PRKCA: variants seen among roughly 807,000 people sequenced by gnomAD.
The protein encoded by PRKCA is protein kinase C alpha, also known as protein kinase C alpha type.
In PRKCA, 27 loss-of-function variants were observed where a neutral mutation model predicts 87.0. The ratio of observed to expected loss-of-function variants is 0.31; its 90% CI spans 0.23 to 0.43. The LOEUF (loss-of-function observed/expected upper bound fraction) is 0.43, where lower values mean the gene tolerates loss of function less well. Among genes scored for constraint, PRKCA ranks in the 20% least tolerant of loss-of-function variants. The pLI, the probability that PRKCA is intolerant of heterozygous loss-of-function variation, is 1.00. For synonymous variants in PRKCA, 329 were observed against 311.1 expected, an observed-to-expected ratio of 1.06 and a Z score of -0.61; for missense variants, 518 against 852.3, an observed-to-expected ratio of 0.61 and a Z score of 4.88.
intron 3 of PRKCA, among the ~76,000 whole-genome samples, chr17:66,591,979 G>T (rs1969820915): frequency 6.6e-6 from 1 of 151,996 alleles, no homozygotes; most frequent in Non-Finnish European, 1.5e-5. Flanking sequence ...TAGCTTTGGG[G>T]GTTTCTTGGC....
At chr17:66,489,352 C>CATGT (rs1555610346) in intron 2 of PRKCA, among the ~76,000 whole-genome samples, 4 of 98,918 alleles carry the variant, frequency 4.0e-5, no homozygotes, top group Non-Finnish European at 6.1e-5. Context: ...CTTAGCAGTG[C>CATGT]ATATATATAT....
chr17:66,764,864 C>G (rs1402982423), intron 13 of PRKCA, among the ~76,000 whole-genome samples: 8 of 152,230 alleles, frequency 5.3e-5, no homozygotes, highest in Non-Finnish European at 1.2e-4. Flanking sequence ...GAGACACCTG[C>G]TCCTATCCCC....
rs202134270 is a variant in PRKCA, at chr17:66,713,032, G to A, written c.919-19656G>A. 1.4e-4 allele frequency among the ~76,000 whole-genome samples: 20 copies of A among 147,736 alleles called. No individual in the cohort carries two copies. The East Asian group carries it at 4.0e-3, about 30-fold the overall frequency. The stretch of plus-strand genomic sequence containing the variant: ...TCCAAGAAGCCATTGCCAAGTTAAA[G>A]TGAACCCTTTGTTGTCCTTTTTTTT... On this transcript the variant is annotated intron_variant, in intron 8 of 16. Coordinates refer to ENST00000413366, the MANE Select transcript of PRKCA (RefSeq NM_002737.3).
chr17:66,485,593 A>G (rs1915960548), intron 2 of PRKCA, among the ~76,000 whole-genome samples: 2 of 152,050 alleles, frequency 1.3e-5, no homozygotes, highest in Non-Finnish European at 2.9e-5. Context: ...CATTTGGGAG[A>G]AGATTGGGGT....
chr17:66,623,750 A>G (rs1325680138), intron 3 of PRKCA, among the ~76,000 whole-genome samples: 1 of 152,164 alleles, frequency 6.6e-6, no homozygotes, highest in African/African-American at 2.4e-5. Flanking sequence ...AAAGCTCTGG[A>G]GGGCCCCTTT....
intron 3 of PRKCA, among the ~76,000 whole-genome samples, chr17:66,539,814 T>C (rs1967918928): frequency 6.6e-6 from 1 of 152,206 alleles, no homozygotes; most frequent in South Asian, 2.1e-4. Context: ...GGGATGAGTT[T>C]CCTTGTTCTG....
intron 8 of PRKCA, among the ~76,000 whole-genome samples, chr17:66,718,070 C>G (rs1251174177): frequency 1.3e-5 from 2 of 152,224 alleles, no homozygotes; most frequent in Admixed American, 1.3e-4. Context: ...CACTGTTAAG[C>G]TCTCCATACA....
intron 14 of PRKCA, chr17:66,774,634 G>C: frequency 1.0e-6 from 1 of 987,484 alleles, no homozygotes; most frequent in Non-Finnish European, 1.2e-6. Context: ...AGAAAAAAAT[G>C]TGCACGTTGA....
chr17:66,361,958 A>G (rs964473207), intron 2 of PRKCA, among the ~76,000 whole-genome samples: 1 of 152,178 alleles, frequency 6.6e-6, no homozygotes. Context: ...AGGCCATGGT[A>G]TCATCTAGTG....
At chr17:66,515,717 A>G (rs1230590946) in intron 3 of PRKCA, among the ~76,000 whole-genome samples, 1 of 151,794 alleles carries the variant, frequency 6.6e-6, no homozygotes, top group African/African-American at 2.4e-5. Flanking sequence ...CTAATTTTTT[A>G]TATTTTTAGT....
At position 66,502,646 on chromosome 17, in the gene PRKCA, C is replaced by T. The variant is rs895602211; in HGVS notation, c.288+6363C>T. On this transcript the variant is annotated intron_variant, in intron 3 of 16. Coordinates refer to ENST00000413366, the MANE Select transcript of PRKCA (RefSeq NM_002737.3). ...CTCTTAGGGCCACAATGTACAACTC[C>T]CCCTGCCCTGCAGCTTTCTTTTTTT... Among the ~76,000 whole-genome samples the T allele has an allele frequency of 5.3e-5, 8 of 151,546 alleles. 1 individual carries two copies. Among genetic ancestry groups the T allele is most frequent in the Middle Eastern group, 3.2e-3 (1 of 314 alleles).
At chr17:66,664,653 T>TG (rs1971998516) in intron 5 of PRKCA, among the ~76,000 whole-genome samples, 7 of 138,402 alleles carry the variant, frequency 5.1e-5, no homozygotes, top group African/African-American at 1.1e-4. Flanking sequence ...TTTGGTTTTT[T>TG]TTTTTTTTTT....
chr17:66,556,323 CTTT>C (rs61549626), intron 3 of PRKCA, among the ~76,000 whole-genome samples: 5 of 128,968 alleles, frequency 3.9e-5, no homozygotes, highest in East Asian at 2.3e-4. Flanking sequence ...CTTTCTTCTT[CTTT>C]TTTTTTTTTT....
At chr17:66,604,378 G>C (rs932182178) in intron 3 of PRKCA, among the ~76,000 whole-genome samples, 3 of 152,224 alleles carry the variant, frequency 2.0e-5, no homozygotes, top group Non-Finnish European at 2.9e-5. Flanking sequence ...ATTTCCGAAG[G>C]CCATGCACAG....
rs1373393763 is a variant in PRKCA, at chr17:66,687,108, C to T, written c.530-3C>T. 2 of 1,607,130 alleles carry T rather than the reference C, an allele frequency of 1.2e-6. No individual in the cohort carries two copies. Among genetic ancestry groups the T allele is most frequent in the South Asian group, 1.1e-5 (1 of 90,804 alleles). On this transcript the variant is annotated splice_region_variant and splice_polypyrimidine_tract_variant and intron_variant, in intron 5 of 16. Transcript: ENST00000413366. ...TAATATTTTCTTCCTTCTCTCTTCACAGTACGAGATGCAAAAAATCTAATC... is the reference window on the plus strand; with the variant it reads ...TAATATTTTCTTCCTTCTCTCTTCATAGTACGAGATGCAAAAAATCTAATC...
chr17:66,440,874 T>C (rs1913701746), intron 2 of PRKCA, among the ~76,000 whole-genome samples: 1 of 151,662 alleles, frequency 6.6e-6, no homozygotes, highest in Non-Finnish European at 1.5e-5. Context: ...AAAAGTAAAT[T>C]AGTCAGGGCC....
intron 2 of PRKCA, among the ~76,000 whole-genome samples, chr17:66,340,812 A>C (rs558487090): frequency 4.7e-4 from 71 of 152,274 alleles, no homozygotes; most frequent in African/African-American, 1.3e-3. Flanking sequence ...AGAAGCAATA[A>C]ATTTTGTGAA....
intron 8 of PRKCA, among the ~76,000 whole-genome samples, chr17:66,692,572 G>A (rs779454548): frequency 6.6e-6 from 1 of 152,216 alleles, no homozygotes; most frequent in Non-Finnish European, 1.5e-5. Flanking sequence ...GTAGCAGCCA[G>A]GCTTTGCAAA....
chr17:66,391,786 A>G (rs1910370395), intron 2 of PRKCA, among the ~76,000 whole-genome samples: 1 of 151,892 alleles, frequency 6.6e-6, no homozygotes, highest in South Asian at 2.1e-4. Flanking sequence ...ACTGTTAACA[A>G]CTCGGCACAC....
Sources: allele counts gnomAD v4.1 joint callset (sites outside exome capture counted in the v4.1 genomes callset), GRCh38; gene constraint gnomAD v4.1.1; transcripts MANE v1.5; gene names NCBI Gene and HGNC (gene_info 2026-07-23, HGNC 2026-07-21).